Variants in TAF3 observed in about 807,000 individuals in gnomAD.
TAF3 encodes TATA-box binding protein associated factor 3, also known as transcription initiation factor TFIID subunit 3.
A neutral mutation model predicts 80.6 loss-of-function variants in TAF3; 7 were observed. The observed-to-expected ratio is 0.09, with a 90% CI of 0.05 to 0.16. The LOEUF (loss-of-function observed/expected upper bound fraction) is 0.16. TAF3 is among the 10% of genes least tolerant of loss of function. The probability of loss-of-function intolerance (pLI) is 1.00; values close to 1 mark genes in which losing one functional copy is unlikely to be tolerated. For synonymous variants in TAF3, 444 were observed against 446.1 expected, an observed-to-expected ratio of 1.00 and a Z score of 0.06; for missense variants, 921 against 1,140.2, an observed-to-expected ratio of 0.81 and a Z score of 2.77.
chr10:7,852,750 C>G (rs1837040912), intron 2 of TAF3, among the ~76,000 whole-genome samples: 1 of 152,160 alleles, frequency 6.6e-6, no homozygotes, highest in African/African-American at 2.4e-5. Context: ...TGGTAACAGT[C>G]TAATTCTGTT....
At chr10:8,012,480 T>C (rs527368798) in intron 5 of TAF3, among the ~76,000 whole-genome samples, 2 of 152,366 alleles carry the variant, frequency 1.3e-5, no homozygotes, top group East Asian at 3.9e-4. Context: ...GGTGAAGTTC[T>C]TGTGCGGCAC....
intron 2 of TAF3, among the ~76,000 whole-genome samples, chr10:7,837,222 A>G (rs1170096776): frequency 6.6e-6 from 1 of 152,022 alleles, no homozygotes; most frequent in Non-Finnish European, 1.5e-5. Context: ...ATTTAGCTGG[A>G]CATGGTGGCA....
intron 5 of TAF3, among the ~76,000 whole-genome samples, chr10:8,010,283 T>A (rs556747435): frequency 1.2e-4 from 18 of 152,352 alleles, no homozygotes; most frequent in African/African-American, 3.6e-4. Context: ...AATGTTCACA[T>A]AGTCAGCCTC....
rs117668067 is a variant in TAF3, at chr10:7,838,032, T to C, written c.409+13472T>C. ...TTCATAAACATTATCTCATTTAATCTTGAAACAGGTCCTAAAGGCAGATGC... is the reference window on the plus strand; with the variant it reads ...TTCATAAACATTATCTCATTTAATCCTGAAACAGGTCCTAAAGGCAGATGC... On this transcript the variant is annotated intron_variant, in intron 2 of 6. Coordinates refer to ENST00000344293, the MANE Select transcript of TAF3 (RefSeq NM_031923.4). Among the ~76,000 whole-genome samples the C allele has an allele frequency of 1.8e-3, 268 of 152,366 alleles. 7 individuals are homozygous for C. In the East Asian group the frequency reaches 0.046, roughly 26 times the overall value.
In TAF3 at chr10:7,871,435, C is replaced by CTTTTTTTTTTTTTTTTTTTTTT. The variant is rs527356726; in HGVS notation, c.409+46879_409+46900dup. Among the ~76,000 whole-genome samples the CTTTTTTTTTTTTTTTTTTTTTT allele has an allele frequency of 3.6e-3, 250 of 69,078 alleles. 23 individuals are homozygous for CTTTTTTTTTTTTTTTTTTTTTT. The highest frequency in any genetic ancestry group is 4.5e-3 in the Non-Finnish European group (157 of 34,632). The allele number at this position is 69,078 out of a possible 152,430, so 45.3% of individuals were successfully genotyped here. On this transcript the variant is annotated intron_variant, in intron 2 of 6. Coordinates refer to ENST00000344293, the MANE Select transcript of TAF3 (RefSeq NM_031923.4). ...CTAAATTGATGACAAATAACTGCTG[C>CTTTTTTTTTTTTTTTTTTTTTT]TTTTTTTTTTTTTTTTTTTTTTTTT...
At chr10:7,900,896 A>G (rs1275831670) in intron 2 of TAF3, among the ~76,000 whole-genome samples, 1 of 152,206 alleles carries the variant, frequency 6.6e-6, no homozygotes, top group East Asian at 1.9e-4. Context: ...TAAATTTATC[A>G]CAAAACAATT....
At chr10:7,884,291 G>C (rs956798841) in intron 2 of TAF3, among the ~76,000 whole-genome samples, 1 of 151,858 alleles carries the variant, frequency 6.6e-6, no homozygotes, top group Non-Finnish European at 1.5e-5. Context: ...ATTGTTCTTT[G>C]GACAGTCCCT....
chr10:7,880,887 C>T (rs547198459), intron 2 of TAF3, among the ~76,000 whole-genome samples: 1 of 152,298 alleles, frequency 6.6e-6, no homozygotes, highest in African/African-American at 2.4e-5. Flanking sequence ...TAATCCAGCA[C>T]ATCTGTGTTT....
intron 2 of TAF3, among the ~76,000 whole-genome samples, chr10:7,942,956 C>G (rs1837990172): frequency 2.0e-5 from 3 of 152,224 alleles, no homozygotes; most frequent in Admixed American, 2.0e-4. Context: ...AGGAATTTGA[C>G]CTTCGTCACA....
intron 2 of TAF3, among the ~76,000 whole-genome samples, chr10:7,938,046 A>G (rs1324106735): frequency 1.3e-5 from 2 of 152,226 alleles, no homozygotes; most frequent in African/African-American, 4.8e-5. Context: ...AGAATAAGAT[A>G]CCTGTATTTA....
At chr10:7,973,352 G>GTGTT (rs1423909751) in intron 3 of TAF3, among the ~76,000 whole-genome samples, 1 of 152,214 alleles carries the variant, frequency 6.6e-6, no homozygotes, top group Admixed American at 6.5e-5. Context: ...GTACATGCTA[G>GTGTT]TGTTGTCAGT....
chr10:7,910,522 A>T (rs541138056), intron 2 of TAF3, among the ~76,000 whole-genome samples: 2 of 152,266 alleles, frequency 1.3e-5, no homozygotes, highest in East Asian at 3.9e-4. Context: ...CTGGGACTAC[A>T]GGTGCCCGCC....
chr10:7,921,613 G>A (rs1375107492), intron 2 of TAF3, among the ~76,000 whole-genome samples: 3 of 152,086 alleles, frequency 2.0e-5, no homozygotes, highest in Non-Finnish European at 4.4e-5. Context: ...ATATTTGTGT[G>A]AATCTATATT....
intron 1 of TAF3, among the ~76,000 whole-genome samples, chr10:7,822,477 CCATACTTA>C (rs1836699973): frequency 7.1e-6 from 1 of 140,004 alleles, no homozygotes; most frequent in African/African-American, 2.6e-5. Context: ...CAGAAGTAAC[CCATACTTA>C]TAGAAAAAAA....
intron 2 of TAF3, among the ~76,000 whole-genome samples, chr10:7,897,003 G>A (rs1357732026): frequency 6.6e-6 from 1 of 152,170 alleles, no homozygotes; most frequent in African/African-American, 2.4e-5. Context: ...ACCTTTCAGA[G>A]GCTGCCGACA....
chr10:7,952,570 A>G (rs1472697802), intron 2 of TAF3, among the ~76,000 whole-genome samples: 2 of 152,192 alleles, frequency 1.3e-5, no homozygotes. Flanking sequence ...TAACATATAG[A>G]TTAGGCCATT....
chr10:7,984,994 CTGTTA>C lies in TAF3; in HGVS notation c.2315+7679_2315+7683del. Among the ~76,000 whole-genome samples, 6 of 152,290 alleles carry C rather than the reference CTGTTA, an allele frequency of 3.9e-5. 1 individual carries two copies. In the Middle Eastern group the frequency reaches 0.01, roughly 259 times the overall value. ...TCAATCCTTTGCATTCTGTTATTTC[CTGTTA>C]TGTTATGGGCCTATACTGTGTTCAG... On this transcript the variant is annotated intron_variant, in intron 4 of 6. Transcript: ENST00000344293.
chr10:7,864,297 C>G (rs1837187652), intron 2 of TAF3, among the ~76,000 whole-genome samples: 1 of 152,130 alleles, frequency 6.6e-6, no homozygotes, highest in African/African-American at 2.4e-5. Flanking sequence ...CATAGTTTTA[C>G]TTTTTTCAGA....
At chr10:7,959,298 C>T (rs898555272) in intron 2 of TAF3, among the ~76,000 whole-genome samples, 1 of 151,954 alleles carries the variant, frequency 6.6e-6, no homozygotes, top group East Asian at 1.9e-4. Flanking sequence ...AAATAAGAAA[C>T]CTTTGTTTGT....
Sources: allele counts gnomAD v4.1 joint callset (sites outside exome capture counted in the v4.1 genomes callset), GRCh38; gene constraint gnomAD v4.1.1; transcripts MANE v1.5; gene names NCBI Gene and HGNC (gene_info 2026-07-23, HGNC 2026-07-21).